The following SLAMF7 variants were observed in gnomAD, a reference collection of about 807,000 sequenced individuals.
SLAMF7 encodes SLAM family member 7.
A neutral mutation model predicts 34.1 loss-of-function variants in SLAMF7; 26 were observed. The observed-to-expected ratio is 0.76, with a 90% CI of 0.56 to 1.06. The LOEUF is 1.06. Ranked by LOEUF, SLAMF7 falls within the 50% of genes least tolerant of loss-of-function variation. SLAMF7 has a pLI of 0.00. For synonymous variants in SLAMF7, 171 were observed against 156.4 expected (o/e 1.09, Z -0.70); for missense variants, 399 against 402.5 (o/e 0.99, Z 0.07).
chr1:160,741,159 G>C (rs1663714660), intron 1 of SLAMF7, among the ~76,000 whole-genome samples: 1 of 152,208 alleles, frequency 6.6e-6, no homozygotes, highest in African/African-American at 2.4e-5. Context: ...TAAACTCAGA[G>C]GGTCCATGAA....
upstream of SLAMF7, chr1:160,739,205 C>A: frequency 9.5e-7 from 1 of 1,054,104 alleles, no homozygotes; most frequent in Non-Finnish European, 1.5e-6. Context: ...TGCGGCGTGA[C>A]CCCTCCTGCT....
At chr1:160,744,721 A>G (rs975439072) in intron 1 of SLAMF7, among the ~76,000 whole-genome samples, 2 of 152,242 alleles carry the variant, frequency 1.3e-5, no homozygotes, top group African/African-American at 4.8e-5. Flanking sequence ...AAATTACTTG[A>G]AGGTTGCCCT....
chr1:160,741,196 A>G (rs1663717653), intron 1 of SLAMF7, among the ~76,000 whole-genome samples: 1 of 152,192 alleles, frequency 6.6e-6, no homozygotes, highest in South Asian at 2.1e-4. Flanking sequence ...CAGTATTCTC[A>G]TCTGAAAAAT....
chr1:160,750,593 T>C (rs182823030), intron 4 of SLAMF7, 170 bp downstream of exon 4: 115 of 750,150 alleles, frequency 1.5e-4, no homozygotes, highest in African/African-American at 1.4e-3. Context: ...CCTGTGCTCC[T>C]TAGTTCTGGA....
chr1:160,751,909 C>CAT (rs1558061018), intron 5 of SLAMF7: 5 of 145,358 alleles, frequency 3.4e-5, no homozygotes, highest in Non-Finnish European at 4.2e-5. Context: ...TATACACACA[C>CAT]ATATATATAT....
chr1:160,747,183 A>C (rs1406881278), intron 1 of SLAMF7, among the ~76,000 whole-genome samples: 1 of 152,136 alleles, frequency 6.6e-6, no homozygotes, highest in Non-Finnish European at 1.5e-5. Context: ...TATTTCTATC[A>C]GCCTTGAATA....
intron 1 of SLAMF7, 71 bp from the exon 2 acceptor site, chr1:160,748,122 AC>A (rs1273073034): frequency 4.7e-6 from 7 of 1,503,368 alleles, no homozygotes. Flanking sequence ...TCTCTCCAGG[AC>A]CCAAAGGGGG....
chr1:160,747,239 G>A (rs1571116680), intron 1 of SLAMF7, among the ~76,000 whole-genome samples: 1 of 152,238 alleles, frequency 6.6e-6, no homozygotes, highest in African/African-American at 2.4e-5. Context: ...TATAAAATAT[G>A]CCCTTCAAGG....
At chr1:160,739,588 G>A (rs1308602226) in intron 1 of SLAMF7, 5 of 423,508 alleles carry the variant, frequency 1.2e-5, no homozygotes, top group Non-Finnish European at 2.1e-5. Flanking sequence ...AGGGATGAAG[G>A]AGCTGAAAGA....
intron 3 of SLAMF7, 38 bp from the exon 4 acceptor site, chr1:160,750,266 T>C: frequency 6.2e-7 from 1 of 1,607,104 alleles, no homozygotes; most frequent in Non-Finnish European, 8.5e-7. Context: ...CTGAGCTGAC[T>C]TTTCTCCCTT....
At position 160,753,207 on chromosome 1, in the gene SLAMF7, C is replaced by CAAA; in HGVS notation, c.*38_*40dup. The stretch of plus-strand genomic sequence containing the variant: ...CAGTGCACTCCCCTAAGTCTCTGCT[C>CAAA]AAAAAAAAAACAATTCTCGGCCCAA... On this transcript the variant is annotated 3_prime_UTR_variant, in exon 7 of 7. Coordinates refer to ENST00000368043, the MANE Select transcript of SLAMF7 (RefSeq NM_021181.5). 7.5e-7 allele frequency: 1 copy of CAAA among 1,327,558 alleles called. No homozygotes were observed. Among genetic ancestry groups the CAAA allele is most frequent in the Non-Finnish European group, 1.0e-6 (1 of 972,204 alleles). 82.2% of individuals were successfully genotyped at this position (1,327,558 alleles called of 1,614,324 possible). A position where few individuals can be genotyped will look rare whatever the true frequency, so the allele number is the denominator to read the frequency against.
At chr1:160,742,961 C>T (rs1302674931) in intron 1 of SLAMF7, among the ~76,000 whole-genome samples, 1 of 152,058 alleles carries the variant, frequency 6.6e-6, no homozygotes, top group Non-Finnish European at 1.5e-5. Flanking sequence ...GCAGAATGGA[C>T]CCAGAATGGA....
In SLAMF7 at chr1:160,750,875, G is replaced by A. The variant is rs78026840; in HGVS notation, c.769+452G>A. 4.0e-3 allele frequency: 880 copies of A among 221,324 alleles called. 12 individuals carry two copies. Among genetic ancestry groups the A allele is most frequent in the African/African-American group, 0.019 (825 of 43,576 alleles). 13.7% of individuals were successfully genotyped at this position (221,324 alleles called of 1,614,324 possible). A position where few individuals can be genotyped will look rare whatever the true frequency, so the allele number is the denominator to read the frequency against. ...TTCCACAGGATCAACCCAAGACCTCGCTTTACTGCCCACTAGACACATGGC... is the reference window on the plus strand; with the variant it reads ...TTCCACAGGATCAACCCAAGACCTCACTTTACTGCCCACTAGACACATGGC... On this transcript the variant is annotated intron_variant, in intron 4 of 6. Transcript: ENST00000368043.
chr1:160,739,299 A>C lies in SLAMF7; in HGVS notation c.-3A>C. ...TTTCAGTGGCTGACTTCCAGAGAGC[A>C]ATATGGCTGGTTCCCCAACATGCCT... is the stretch of plus-strand genomic sequence containing the variant. On this transcript the variant is annotated 5_prime_UTR_variant, in exon 1 of 7. Coordinates refer to ENST00000368043, the MANE Select transcript of SLAMF7 (RefSeq NM_021181.5). The C allele has an allele frequency of 6.2e-7, 1 of 1,613,982 alleles. No homozygotes were observed. The highest frequency in any genetic ancestry group is 8.5e-7 in the Non-Finnish European group (1 of 1,179,860).
rs1664529148 is a variant in SLAMF7, at chr1:160,750,967, T to C, written c.770-378T>C. ...ATCCTGTGTTCCTAAACCCTGCTGA[T>C]TGGTCTTCTGGGCTCCCACTGTCCA... On this transcript the variant is annotated intron_variant, in intron 4 of 6. Coordinates refer to ENST00000368043, the MANE Select transcript of SLAMF7 (RefSeq NM_021181.5). The C allele has an allele frequency of 3.8e-5, 10 of 262,296 alleles. No individual in the cohort carries two copies. The South Asian group carries it at 4.2e-4, about 11-fold the overall frequency. 16.2% of individuals were successfully genotyped at this position (262,296 alleles called of 1,614,324 possible).
intron 1 of SLAMF7, among the ~76,000 whole-genome samples, chr1:160,740,486 T>C (rs1235770513): frequency 6.6e-6 from 1 of 152,138 alleles, no homozygotes; most frequent in East Asian, 1.9e-4. Context: ...AGGCAGCCTG[T>C]GTAGTGTACC....
chr1:160,754,249 C>G lies in SLAMF7; in HGVS notation c.*1072C>G, dbSNP rs1664851121. ...GGTGGGTCATCTGAGGTCAGGAGTTCAAGACCAGCCTGGCCAACATGGTGA... is the reference window on the plus strand; with the variant it reads ...GGTGGGTCATCTGAGGTCAGGAGTTGAAGACCAGCCTGGCCAACATGGTGA... On this transcript the variant is annotated 3_prime_UTR_variant, in exon 7 of 7. Transcript: ENST00000368043. 6.6e-6 allele frequency: 1 copy of G among 152,214 alleles called. No homozygotes were observed. Among genetic ancestry groups the G allele is most frequent in the Non-Finnish European group, 1.5e-5 (1 of 68,092 alleles). 9.4% of individuals were successfully genotyped at this position (152,214 alleles called of 1,614,324 possible).
chr1:160,748,229 G>A lies in SLAMF7; in HGVS notation c.91G>A (p.Gly31Ser), dbSNP rs149217457. Residue 31 changes from glycine (G) to serine (S), a missense_variant, in exon 2 of 7, where the codon GGT (glycine) becomes AGT (serine). Physicochemically the swap from Gly to Ser is moderately conservative, Grantham distance 56. Transcript: ENST00000368043. ...AASGPVKELVGSVGGAVTFPL... is the reference protein window; with the variant it reads ...AASGPVKELVSSVGGAVTFPL... Reference sequence around the variant, plus strand: ...CTCTGGACCCGTGAAAGAGCTGGTCGGTTCCGTTGGTGGGGCCGTGACTTT... The same window carrying A: ...CTCTGGACCCGTGAAAGAGCTGGTCAGTTCCGTTGGTGGGGCCGTGACTTT... 69 of 1,613,916 alleles carry A rather than the reference G, an allele frequency of 4.3e-5. No homozygotes were observed. In the African/African-American group the frequency reaches 7.1e-4, roughly 17 times the overall value.
chr1:160,751,844 CTCTCTCTCTCTCTCTCTCTATATATA>C (rs1228059089), intron 5 of SLAMF7: 5 of 62,624 alleles, frequency 8.0e-5, no homozygotes, highest in East Asian at 3.8e-4. Context: ...CTCTCTCTCT[CTCTCTCTCTCTCTCTCTCTATATATA>C]TATATATATA....
Sources: allele counts gnomAD v4.1 joint callset (sites outside exome capture counted in the v4.1 genomes callset), GRCh38; gene constraint gnomAD v4.1.1; transcripts MANE v1.5; gene names NCBI Gene and HGNC (gene_info 2026-07-23, HGNC 2026-07-21).